ELAPOR1: variants seen among roughly 807,000 people sequenced by gnomAD.
The protein encoded by ELAPOR1 is endosome-lysosome associated apoptosis and autophagy regulator 1.
ELAPOR1 carries 77 observed loss-of-function variants against 119.7 expected under a neutral mutation model. The observed-to-expected ratio is 0.64, with a 90% confidence interval of 0.54 to 0.78. The LOEUF (loss-of-function observed/expected upper bound fraction) is 0.78. Among genes scored for constraint, ELAPOR1 ranks in the 30% least tolerant of loss-of-function variants. The pLI is 0.00. For missense variants in ELAPOR1, 1,115 were observed against 1,270.4 expected, an observed-to-expected ratio of 0.88 and a Z score of 1.86; for synonymous variants, 481 against 487.2, an observed-to-expected ratio of 0.99 and a Z score of 0.17.
chr1:109,167,750 C>T (rs1197430665), intron 3 of ELAPOR1, among the ~76,000 whole-genome samples: 1 of 152,186 alleles, frequency 6.6e-6, no homozygotes, highest in Non-Finnish European at 1.5e-5. Context: ...GCTGGGACTG[C>T]AGGCTCATGC....
At position 109,171,905 on chromosome 1, in the gene ELAPOR1, C is replaced by T. The variant is rs764838865; in HGVS notation, c.507C>T (p.Asn169=). 1.2e-6 allele frequency: 2 copies of T among 1,614,098 alleles called. No individual in the cohort carries two copies. Among genetic ancestry groups the T allele is most frequent in the Non-Finnish European group, 1.7e-6 (2 of 1,180,040 alleles). ...WVPRGDYIAS[N]TDECTATLMY... ...CCCGGGGCGACTACATCGCCTCCAA[C>T]ACGGACGAATGCACAGCCACACTGA... The change falls in exon 4 of 22, where the codon AAC becomes AAT. Residue 169 remains asparagine (N), a synonymous_variant. Transcript: ENST00000369939.
rs1654456799 is a variant in ELAPOR1, at chr1:109,205,842, A to G, written c.*2830A>G. ...CTGTCAGGAACTCCTGAGTTACGCT[A>G]CTGGGGTCACCTGTTGCTCCCCTAG... On this transcript the variant is annotated 3_prime_UTR_variant, in exon 22 of 22. Coordinates refer to ENST00000369939, the MANE Select transcript of ELAPOR1 (RefSeq NM_020775.5). The G allele has an allele frequency of 6.6e-6, 1 of 152,142 alleles. No individual in the cohort carries two copies. The highest frequency in any genetic ancestry group is 2.1e-4 in the South Asian group (1 of 4,830). The allele number at this position is 152,142 out of a possible 1,614,324, so 9.4% of individuals were successfully genotyped here. A position where few individuals can be genotyped will look rare whatever the true frequency, so the allele number is the denominator to read the frequency against.
intron 14 of ELAPOR1, among the ~76,000 whole-genome samples, chr1:109,193,949 G>A (rs953048996): frequency 6.6e-6 from 1 of 152,174 alleles, no homozygotes; most frequent in Non-Finnish European, 1.5e-5. Context: ...CCCTTTCGGA[G>A]TTCAGTTTCC....
intron 1 of ELAPOR1, among the ~76,000 whole-genome samples, chr1:109,148,117 G>A (rs1232841916): frequency 7.3e-5 from 11 of 151,564 alleles, no homozygotes; most frequent in Admixed American, 5.3e-4. Flanking sequence ...GATTACAGGC[G>A]TGAGCCACCG....
intron 14 of ELAPOR1, 128 bp downstream of exon 14, chr1:109,193,002 G>T: frequency 2.0e-6 from 2 of 1,017,176 alleles, no homozygotes; most frequent in Non-Finnish European, 2.9e-6. Flanking sequence ...CTCCTAGGTT[G>T]GAGTCCTGGA....
At chr1:109,173,896 G>A in intron 7 of ELAPOR1, 59 bp downstream of exon 7, 1 of 1,568,744 alleles carries the variant, frequency 6.4e-7, no homozygotes, top group South Asian at 1.1e-5. Flanking sequence ...AAACACACAA[G>A]GAGATACCAG....
At position 109,192,814 on chromosome 1, in the gene ELAPOR1, C is replaced by A. The variant is rs528915098; in HGVS notation, c.1887C>A (p.Ala629=). The change falls in exon 14 of 22, where the codon GCC becomes GCA. Residue 629 remains alanine, a synonymous_variant. Coordinates refer to ENST00000369939, the MANE Select transcript of ELAPOR1 (RefSeq NM_020775.5). ...HSCPTNTILK[A]HQPYGVQACV... Reference sequence around the variant, plus strand: ...GCCCCACTAACACAATTCTGAAAGCCCACCAGCCTTATGGTGTCCAGGCCT... The same window carrying A: ...GCCCCACTAACACAATTCTGAAAGCACACCAGCCTTATGGTGTCCAGGCCT... The A allele has an allele frequency of 1.2e-6, 2 of 1,614,078 alleles. No individual in the cohort carries two copies. Among genetic ancestry groups the A allele is most frequent in the Non-Finnish European group, 8.5e-7 (1 of 1,180,028 alleles).
At chr1:109,200,501 G>A (rs536392390) in intron 20 of ELAPOR1, among the ~76,000 whole-genome samples, 4 of 152,218 alleles carry the variant, frequency 2.6e-5, no homozygotes, top group South Asian at 2.1e-4. Context: ...TTATGATTTT[G>A]ATATTTCCAT....
At chr1:109,171,550 TC>T (rs1651928456) in intron 3 of ELAPOR1, among the ~76,000 whole-genome samples, 1 of 150,726 alleles carries the variant, frequency 6.6e-6, no homozygotes, top group African/African-American at 2.4e-5. Context: ...AGACTCTGCC[TC>T]AAAAAAAAAA....
At chr1:109,119,466 G>A (rs1648251922) in intron 1 of ELAPOR1, among the ~76,000 whole-genome samples, 1 of 150,234 alleles carries the variant, frequency 6.7e-6, no homozygotes, top group African/African-American at 2.5e-5. Context: ...TTACAGGTGT[G>A]AGCCACCGCA....
rs766084495 is a variant in ELAPOR1, at chr1:109,198,035, C to T, written c.2359C>T (p.Leu787=). ...CACCTCCCCAGCTGAACTTTTCCAC[C>T]TGGAGTCCTTGGGAATACCGGACGT... ...GITSPAELFH[L]ESLGIPDVIF... is the part of the protein sequence containing the mutation. The change falls in exon 17 of 22, where the codon CTG becomes TTG. Residue 787 remains leucine, a synonymous_variant. Coordinates refer to ENST00000369939, the MANE Select transcript of ELAPOR1 (RefSeq NM_020775.5). 7 of 1,614,090 alleles carry T rather than the reference C, an allele frequency of 4.3e-6. No individual in the cohort carries two copies. Among genetic ancestry groups the T allele is most frequent in the Non-Finnish European group, 5.1e-6 (6 of 1,179,946 alleles).
intron 7 of ELAPOR1, among the ~76,000 whole-genome samples, chr1:109,183,368 G>C (rs979027387): frequency 3.7e-5 from 5 of 133,746 alleles, no homozygotes; most frequent in East Asian, 2.3e-4. Flanking sequence ...GAGAGAGAGA[G>C]AGAAAAGAAA....
At chr1:109,159,678 G>A (rs1476965674) in intron 1 of ELAPOR1, among the ~76,000 whole-genome samples, 3 of 152,112 alleles carry the variant, frequency 2.0e-5, no homozygotes, top group Admixed American at 6.6e-5. Context: ...CTTATCGGCT[G>A]CATGACTTTG....
At position 109,189,871 on chromosome 1, in the gene ELAPOR1, A is replaced by G. The variant is rs116798394; in HGVS notation, c.1439+189A>G. Among the ~76,000 whole-genome samples the G allele has an allele frequency of 1.1e-3, 162 of 152,256 alleles. 1 individual carries two copies. Among genetic ancestry groups the G allele is most frequent in the African/African-American group, 3.8e-3 (157 of 41,546 alleles). On this transcript the variant is annotated intron_variant, in intron 11 of 21. Coordinates refer to ENST00000369939, the MANE Select transcript of ELAPOR1 (RefSeq NM_020775.5). ...TATCACGTTTTTCAAGTTGCTGCCCATGTTGATTTACCGACTGCTCTCTCT... is the reference window on the plus strand; with the variant it reads ...TATCACGTTTTTCAAGTTGCTGCCCGTGTTGATTTACCGACTGCTCTCTCT...
At chr1:109,198,728 C>A in intron 18 of ELAPOR1, 54 bp downstream of exon 18, 1 of 1,454,884 alleles carries the variant, frequency 6.9e-7, no homozygotes, top group Non-Finnish European at 9.5e-7. Context: ...GAAGTCATTC[C>A]ATCCTGAGAT....
chr1:109,140,925 C>T (rs1027623483), intron 1 of ELAPOR1, among the ~76,000 whole-genome samples: 1 of 152,186 alleles, frequency 6.6e-6, no homozygotes, highest in Non-Finnish European at 1.5e-5. Context: ...GATCTCGGCT[C>T]ACTGCAACCT....
chr1:109,195,207 A>C (rs143970817), intron 15 of ELAPOR1, among the ~76,000 whole-genome samples: 10 of 150,176 alleles, frequency 6.7e-5, no homozygotes, highest in African/African-American at 2.2e-4. Context: ...AATATGCAGG[A>C]GGAAGGCTAG....
intron 5 of ELAPOR1, 90 bp downstream of exon 5, chr1:109,172,658 C>A: frequency 1.1e-6 from 1 of 890,256 alleles, no homozygotes; most frequent in African/African-American, 1.7e-5. Flanking sequence ...TCTGAGCCTC[C>A]ACCCCAATGT....
At chr1:109,173,257 C>G (rs187841382) in intron 5 of ELAPOR1, among the ~76,000 whole-genome samples, 2 of 152,042 alleles carry the variant, frequency 1.3e-5, no homozygotes, top group Admixed American at 1.3e-4. Flanking sequence ...TATATATGAT[C>G]CAGGGAGTGG....
Sources: allele counts gnomAD v4.1 joint callset (sites outside exome capture counted in the v4.1 genomes callset), GRCh38; gene constraint gnomAD v4.1.1; transcripts MANE v1.5; gene names NCBI Gene and HGNC (gene_info 2026-07-23, HGNC 2026-07-21).